ELOVL6: variants seen among roughly 807,000 people sequenced by gnomAD.
ELOVL6 encodes the protein very long chain fatty acid elongase 6.
Under a neutral mutation model 31.7 loss-of-function variants are expected in ELOVL6, and 8 were observed. The observed-to-expected ratio is 0.25, with a 90% CI of 0.15 to 0.45. The LOEUF (loss-of-function observed/expected upper bound fraction) is 0.45. ELOVL6 is among the 20% of genes least tolerant of loss of function. ELOVL6 has a pLI of 1.00. For synonymous variants in ELOVL6, 101 were observed against 117.7 expected, an observed-to-expected ratio of 0.86 and a Z score of 0.92; for missense variants, 126 against 326.4, an observed-to-expected ratio of 0.39 and a Z score of 4.73.
chr4:110,070,776 T>C (rs945085052), intron 2 of ELOVL6, among the ~76,000 whole-genome samples: 2 of 152,184 alleles, frequency 1.3e-5, no homozygotes, highest in African/African-American at 4.8e-5. Flanking sequence ...CAGTAAGATA[T>C]GCCTGCTTCC....
chr4:110,090,794 G>A (rs1756404142), intron 2 of ELOVL6, among the ~76,000 whole-genome samples: 1 of 151,858 alleles, frequency 6.6e-6, no homozygotes, highest in African/African-American at 2.4e-5. Context: ...TAGCAGAGAT[G>A]GGGTTTCGCC....
intron 1 of ELOVL6, among the ~76,000 whole-genome samples, chr4:110,153,117 G>T (rs1758325600): frequency 1.3e-5 from 2 of 152,138 alleles, no homozygotes; most frequent in African/African-American, 2.4e-5. Context: ...GTGTCAGCTT[G>T]TAAGTAGGAA....
intron 2 of ELOVL6, among the ~76,000 whole-genome samples, chr4:110,069,027 G>A (rs763229241): frequency 5.9e-5 from 9 of 151,868 alleles, no homozygotes; most frequent in Non-Finnish European, 1.2e-4. Flanking sequence ...TGTAGTCCCA[G>A]CTACTCAGGA....
chr4:110,174,608 T>A (rs569774317), intron 1 of ELOVL6, among the ~76,000 whole-genome samples: 2 of 152,300 alleles, frequency 1.3e-5, no homozygotes, highest in South Asian at 4.1e-4. Context: ...CTATTGACCT[T>A]AGAATTCCTG....
At chr4:110,123,815 G>A (rs2126254836) in intron 1 of ELOVL6, among the ~76,000 whole-genome samples, 1 of 152,324 alleles carries the variant, frequency 6.6e-6, no homozygotes, top group African/African-American at 2.4e-5. Flanking sequence ...ATCTATAAAT[G>A]TGTATCTGGG....
chr4:110,180,711 C>T (rs1759247059), intron 1 of ELOVL6, among the ~76,000 whole-genome samples: 1 of 152,056 alleles, frequency 6.6e-6, no homozygotes, highest in African/African-American at 2.4e-5. Context: ...CACACCTGGC[C>T]TATACTTTGT....
chr4:110,190,566 G>A lies in ELOVL6; in HGVS notation c.89+7681C>T, dbSNP rs151160823. ...GTTGCCCAGGCTGGAGTGCAATGGT[G>A]CAATCTCGCCTCACTGGAACCTCGG... is the stretch of plus-strand genomic sequence containing the variant. On this transcript the variant is annotated intron_variant, in intron 1 of 3. Coordinates refer to ENST00000302274, the MANE Select transcript of ELOVL6 (RefSeq NM_024090.3). Among the ~76,000 whole-genome samples the A allele has an allele frequency of 6.8e-3, 1,040 of 152,180 alleles. 14 individuals carry two copies. The highest frequency in any genetic ancestry group is 0.023 in the African/African-American group (974 of 41,516).
rs143249165 is a variant in ELOVL6 at position 110,117,342 on chromosome 4, G to A, written c.90-11714C>T. Among the ~76,000 whole-genome samples the A allele has an allele frequency of 2.6e-5, 4 of 152,268 alleles. No homozygotes were observed. The East Asian group carries it at 5.8e-4, about 22-fold the overall frequency. On this transcript the variant is annotated intron_variant, in intron 1 of 3. Transcript: ENST00000302274. The stretch of plus-strand genomic sequence containing the variant: ...GTAGGCAAAACTGCTTCAAAAGTAC[G>A]TTCACTGATTGGGGTGATACCACTT...
At chr4:110,140,027 T>C (rs1757910664) in intron 1 of ELOVL6, among the ~76,000 whole-genome samples, 1 of 152,180 alleles carries the variant, frequency 6.6e-6, no homozygotes, top group Non-Finnish European at 1.5e-5. Context: ...ATCTATGACT[T>C]CCCTAATCCC....
At chr4:110,154,556 A>AT (rs1758363376) in intron 1 of ELOVL6, among the ~76,000 whole-genome samples, 1 of 152,250 alleles carries the variant, frequency 6.6e-6, no homozygotes, top group African/African-American at 2.4e-5. Context: ...CACCTGGCCT[A>AT]TTTTTATTAT....
intron 1 of ELOVL6, among the ~76,000 whole-genome samples, chr4:110,193,511 A>G (rs1300926567): frequency 2.0e-5 from 3 of 152,164 alleles, no homozygotes; most frequent in Non-Finnish European, 2.9e-5. Flanking sequence ...AGGTTGAGAC[A>G]TAAGAATCAC....
At chr4:110,071,027 T>A (rs1306433907) in intron 2 of ELOVL6, among the ~76,000 whole-genome samples, 1 of 152,038 alleles carries the variant, frequency 6.6e-6, no homozygotes, top group East Asian at 1.9e-4. Context: ...CCAACCCAAC[T>A]AACTAAAAAC....
chr4:110,113,908 A>G (rs1757107310), intron 1 of ELOVL6, among the ~76,000 whole-genome samples: 1 of 152,218 alleles, frequency 6.6e-6, no homozygotes, highest in South Asian at 2.1e-4. Context: ...GAAAGGTAGC[A>G]TATTAATTTC....
intron 1 of ELOVL6, among the ~76,000 whole-genome samples, chr4:110,171,679 C>CTTTTTTTTTTT (rs70956406): frequency 1.5e-5 from 1 of 66,194 alleles, no homozygotes; most frequent in African/African-American, 5.3e-5. Flanking sequence ...ATAATATCCT[C>CTTTTTTTTTTT]TTTTTTTTTT....
At chr4:110,084,140 A>G (rs1286003635) in intron 2 of ELOVL6, among the ~76,000 whole-genome samples, 1 of 76,512 alleles carries the variant, frequency 1.3e-5, no homozygotes, top group African/African-American at 1.0e-4. Flanking sequence ...TGATAATGAT[A>G]TATATGATAT....
chr4:110,059,937 C>T (rs1755093232), intron 2 of ELOVL6, 183 bp from the exon 3 acceptor site: 4 of 542,326 alleles, frequency 7.4e-6, no homozygotes, highest in African/African-American at 1.9e-5. Flanking sequence ...GACTCAAGGG[C>T]TTTATTCTGA....
rs577047926 is a variant in ELOVL6, at chr4:110,166,672, T to C, written c.89+31575A>G. On this transcript the variant is annotated intron_variant, in intron 1 of 3. Transcript: ENST00000302274. ...CTTGCTGCCAGAAGGCAATGAACAC[T>C]GCCTGTTAATCTCAGCATGGTCAGC... Among the ~76,000 whole-genome samples, 57 of 152,320 alleles carry C rather than the reference T, an allele frequency of 3.7e-4. 2 individuals carry two copies. Among genetic ancestry groups the C allele is most frequent in the African/African-American group, 1.2e-3 (49 of 41,574 alleles).
In ELOVL6 at chr4:110,047,864, TG is replaced by T. The variant is rs1389882102; in HGVS notation, c.*3473del. ...TAGATCGCGCCACTGCACTCCAGCC[TG>T]GGCAACAACAGCAAGAATCCACCTC... On this transcript the variant is annotated 3_prime_UTR_variant, in exon 4 of 4. Coordinates refer to ENST00000302274, the MANE Select transcript of ELOVL6 (RefSeq NM_024090.3). The T allele has an allele frequency of 8.5e-6, 1 of 117,526 alleles. No homozygotes were observed. Among genetic ancestry groups the T allele is most frequent in the East Asian group, 2.5e-4 (1 of 3,938 alleles). 7.3% of individuals were successfully genotyped at this position (117,526 alleles called of 1,614,324 possible). A position where few individuals can be genotyped will look rare whatever the true frequency, so the allele number is the denominator to read the frequency against.
At chr4:110,088,178 G>C (rs918118094) in intron 2 of ELOVL6, among the ~76,000 whole-genome samples, 1 of 152,206 alleles carries the variant, frequency 6.6e-6, no homozygotes, top group Non-Finnish European at 1.5e-5. Context: ...TGCACACACA[G>C]AGTGTGTTCT....
Sources: allele counts gnomAD v4.1 joint callset (sites outside exome capture counted in the v4.1 genomes callset), GRCh38; gene constraint gnomAD v4.1.1; transcripts MANE v1.5; gene names NCBI Gene and HGNC (gene_info 2026-07-23, HGNC 2026-07-21).